The following PPME1 variants were observed in gnomAD, a reference collection of about 807,000 sequenced individuals.
The protein encoded by PPME1 is protein phosphatase methylesterase 1.
Under a neutral mutation model 56.9 loss-of-function variants are expected in PPME1, and 17 were observed. The ratio of observed to expected loss-of-function variants is 0.30; its 90% CI spans 0.20 to 0.45. PPME1 has a LOEUF of 0.45. PPME1 is among the 20% of genes least tolerant of loss of function. The pLI is 1.00. For synonymous variants in PPME1, 122 were observed against 156.2 expected, an observed-to-expected ratio of 0.78 and a Z score of 1.63; for missense variants, 357 against 483.2, an observed-to-expected ratio of 0.74 and a Z score of 2.45.
At chr11:74,171,623 A>C (rs751717362) in intron 1 of PPME1, 101 bp downstream of exon 1, 22 of 1,395,960 alleles carry the variant, frequency 1.6e-5, no homozygotes, top group Non-Finnish European at 2.1e-5. Context: ...GTCTACTGAT[A>C]GGAGAAAATG....
intron 3 of PPME1, among the ~76,000 whole-genome samples, chr11:74,219,451 T>G (rs1407325632): frequency 1.3e-5 from 2 of 152,196 alleles, no homozygotes; most frequent in East Asian, 3.8e-4. Context: ...CTCCCATGTT[T>G]ATTACAGCAC....
intron 9 of PPME1, among the ~76,000 whole-genome samples, chr11:74,244,530 G>A (rs538093942): frequency 6.6e-6 from 1 of 152,158 alleles, no homozygotes; most frequent in Non-Finnish European, 1.5e-5. Flanking sequence ...GTTAAGCATC[G>A]TTTCATATGC....
intron 5 of PPME1, among the ~76,000 whole-genome samples, chr11:74,229,353 C>A (rs941133589): frequency 6.6e-6 from 1 of 152,112 alleles, no homozygotes; most frequent in Non-Finnish European, 1.5e-5. Flanking sequence ...TATAATAAGG[C>A]AGTAGAGCCA....
At chr11:74,214,327 A>G (rs1460525397) in intron 3 of PPME1, among the ~76,000 whole-genome samples, 1 of 152,222 alleles carries the variant, frequency 6.6e-6, no homozygotes, top group Non-Finnish European at 1.5e-5. Flanking sequence ...GCACACCTAC[A>G]ATAGAAAATA....
At chr11:74,243,223 C>T (rs7924965) in intron 9 of PPME1, among the ~76,000 whole-genome samples, 15,325 of 152,060 alleles carry the variant, frequency 0.1, 2,016 homozygotes, top group African/African-American at 0.31. Context: ...AACTAAACTT[C>T]ATGATCCAGC....
chr11:74,209,973 G>T (rs1027589984), intron 3 of PPME1, among the ~76,000 whole-genome samples: 1 of 152,118 alleles, frequency 6.6e-6, no homozygotes, highest in Admixed American at 6.5e-5. Flanking sequence ...AAGGTGGGAG[G>T]AGTGCTTGAG....
At chr11:74,227,480 A>AC in intron 5 of PPME1, among the ~76,000 whole-genome samples, 1 of 152,036 alleles carries the variant, frequency 6.6e-6, no homozygotes, top group Non-Finnish European at 1.5e-5. Flanking sequence ...TGTGGAAAAA[A>AC]AAAAACCTCA....
At chr11:74,231,246 C>T (rs1397309978) in intron 7 of PPME1, among the ~76,000 whole-genome samples, 1 of 152,084 alleles carries the variant, frequency 6.6e-6, no homozygotes, top group African/African-American at 2.4e-5. Context: ...TTTGTAGAAA[C>T]GAGGTCTTGC....
rs1020282848 is a variant in PPME1 at position 74,179,070 on chromosome 11, A to G, written c.101+7548A>G. Among the ~76,000 whole-genome samples the G allele has an allele frequency of 2.1e-4, 32 of 152,332 alleles. No homozygotes were observed. The East Asian group carries it at 5.6e-3, about 27-fold the overall frequency. ...ATAAGAGATTATATTGAAAATTCCA[A>G]TCATTTCAAACCACACCGGAAGACC... On this transcript the variant is annotated intron_variant, in intron 1 of 13. Coordinates refer to ENST00000328257, the MANE Select transcript of PPME1 (RefSeq NM_016147.3).
chr11:74,235,760 G>A, intron 7 of PPME1, 141 bp from the exon 8 acceptor site: 1 of 1,327,156 alleles, frequency 7.5e-7, no homozygotes, highest in Non-Finnish European at 1.0e-6. Flanking sequence ...AGTAATAGTG[G>A]CAATCTCTAT....
intron 7 of PPME1, among the ~76,000 whole-genome samples, chr11:74,235,573 T>A (rs1445972411): frequency 6.6e-6 from 1 of 152,174 alleles, no homozygotes; most frequent in Non-Finnish European, 1.5e-5. Flanking sequence ...GTTCAAGTGC[T>A]TTCTTTGAAC....
chr11:74,248,118 G>A (rs1430866073), intron 11 of PPME1: 1 of 152,488 alleles, frequency 6.6e-6, no homozygotes. Flanking sequence ...TAACAGTGGA[G>A]GCAGCGGGTC....
At chr11:74,184,706 A>G (rs771816368) in intron 1 of PPME1, among the ~76,000 whole-genome samples, 1 of 152,136 alleles carries the variant, frequency 6.6e-6, no homozygotes, top group Non-Finnish European at 1.5e-5. Flanking sequence ...ATGAGCTCTG[A>G]TGGATTATTT....
intron 3 of PPME1, among the ~76,000 whole-genome samples, chr11:74,215,608 G>A (rs1269309795): frequency 6.6e-6 from 1 of 151,812 alleles, no homozygotes; most frequent in Non-Finnish European, 1.5e-5. Flanking sequence ...GGAAAGAAGA[G>A]AAGACCACAA....
intron 4 of PPME1, 159 bp downstream of exon 4, chr11:74,222,528 G>A (rs959824478): frequency 3.0e-5 from 19 of 634,030 alleles, no homozygotes; most frequent in South Asian, 7.6e-5. Flanking sequence ...TCATTCTGTC[G>A]CCCAGGCTGG....
chr11:74,172,316 G>C (rs1448367108), intron 1 of PPME1, among the ~76,000 whole-genome samples: 2 of 151,524 alleles, frequency 1.3e-5, no homozygotes, highest in East Asian at 1.9e-4. Flanking sequence ...AAGAAGGAGA[G>C]AACTGAAGAA....
chr11:74,179,709 A>C (rs1857483277), intron 1 of PPME1, among the ~76,000 whole-genome samples: 1 of 152,204 alleles, frequency 6.6e-6, no homozygotes, highest in African/African-American at 2.4e-5. Context: ...ATGATTCATG[A>C]TGTAGTTTTT....
At chr11:74,252,254 T>G (rs1305074723) in intron 13 of PPME1, among the ~76,000 whole-genome samples, 3 of 150,344 alleles carry the variant, frequency 2.0e-5, no homozygotes, top group Non-Finnish European at 3.0e-5. Flanking sequence ...TTTTTTTGTT[T>G]TTTTTTTTTT....
intron 5 of PPME1, among the ~76,000 whole-genome samples, chr11:74,226,005 T>C (rs1399386510): frequency 1.3e-5 from 2 of 152,228 alleles, no homozygotes; most frequent in Non-Finnish European, 2.9e-5. Flanking sequence ...AAAAATATCT[T>C]GCCCTCTTTT....
Sources: allele counts gnomAD v4.1 joint callset (sites outside exome capture counted in the v4.1 genomes callset), GRCh38; gene constraint gnomAD v4.1.1; transcripts MANE v1.5; gene names NCBI Gene and HGNC (gene_info 2026-07-23, HGNC 2026-07-21).